IGSF10: variants seen among roughly 807,000 people sequenced by gnomAD.
IGSF10 encodes immunoglobulin superfamily member 10.
Under a neutral mutation model 128.2 loss-of-function variants are expected in IGSF10, and 126 were observed. That is an observed-to-expected ratio of 0.98 (90% CI 0.85 to 1.14). The LOEUF (loss-of-function observed/expected upper bound fraction) is 1.14, where lower values mean the gene tolerates loss of function less well. Ranked by LOEUF, IGSF10 falls within the 50% of genes most tolerant of loss-of-function variation. IGSF10 has a pLI of 0.00. For synonymous variants in IGSF10, 1,185 were observed against 1,146.2 expected, an observed-to-expected ratio of 1.03 and a Z score of -0.68; for missense variants, 3,295 against 3,149.8, an observed-to-expected ratio of 1.05 and a Z score of -1.10.
the IGSF10 span, among the ~76,000 whole-genome samples, chr3:151,557,171 C>T: frequency 6.6e-6 from 1 of 152,132 alleles, no homozygotes; most frequent in Non-Finnish European, 1.5e-5. Context: ...ATTATGTGCA[C>T]TTGTGCATGG....
chr3:151,436,784 G>T lies in IGSF10; in HGVS notation c.7777C>A (p.Gln2593Lys). 1 of 1,614,158 alleles carries T rather than the reference G, an allele frequency of 6.2e-7. No homozygotes were observed. The highest frequency in any genetic ancestry group is 1.1e-5 in the South Asian group (1 of 91,086). Residue 2593 changes from glutamine to lysine, a missense_variant, in exon 8 of 8, where the codon CAG (glutamine) becomes AAG (lysine). Physicochemically the swap from Gln to Lys is moderately conservative, Grantham distance 53 (BLOSUM62 1). Coordinates refer to ENST00000282466, the MANE Select transcript of IGSF10 (RefSeq NM_178822.5). ...CCAGAATCGGAGGTTTGGGGATTCT[G>T]AATGACTAGGGTACCTTGTAAGTGA... ...QLHLQGTLVI[Q>K]NPQTSDSGIY... is the part of the protein sequence containing the mutation.
the IGSF10 span, among the ~76,000 whole-genome samples, chr3:151,504,677 A>G: frequency 7.9e-5 from 12 of 152,232 alleles, no homozygotes; most frequent in African/African-American, 2.7e-4. Flanking sequence ...AGTTCAGCCT[A>G]AAGGTTTCTC....
chr3:151,594,007 G>C, the IGSF10 span, among the ~76,000 whole-genome samples: 4 of 152,298 alleles, frequency 2.6e-5, no homozygotes, highest in African/African-American at 9.6e-5. Flanking sequence ...GATCAGAAGA[G>C]ACTGTTTGAC....
At chr3:151,454,324 G>A (rs1375253244) in intron 4 of IGSF10, among the ~76,000 whole-genome samples, 1 of 152,076 alleles carries the variant, frequency 6.6e-6, no homozygotes, top group Non-Finnish European at 1.5e-5. Flanking sequence ...AGCCAGGAAT[G>A]ACTGTTAAAA....
chr3:151,558,208 G>A, the IGSF10 span, among the ~76,000 whole-genome samples: 2 of 149,962 alleles, frequency 1.3e-5, no homozygotes, highest in African/African-American at 2.5e-5. Flanking sequence ...CATGAGATAT[G>A]AGAAAGGCCT....
chr3:151,594,009 CTGTT>C, the IGSF10 span, among the ~76,000 whole-genome samples: 40 of 152,276 alleles, frequency 2.6e-4, no homozygotes, highest in African/African-American at 8.7e-4. Flanking sequence ...TCAGAAGAGA[CTGTT>C]TGACCACAGG....
chr3:151,617,305 TTCTTCTTCTTCTTCC>T, the IGSF10 span, among the ~76,000 whole-genome samples: 294 of 132,464 alleles, frequency 2.2e-3, 4 homozygotes, highest in African/African-American at 7.7e-3. Context: ...CTTCTTCTTC[TTCTTCTTCTTCTTCC>T]CCTCCTCCTC....
chr3:151,581,640 T>G, the IGSF10 span, among the ~76,000 whole-genome samples: 1 of 152,242 alleles, frequency 6.6e-6, no homozygotes, highest in African/African-American at 2.4e-5. Flanking sequence ...CCTGTACTTG[T>G]TGAAGACCAG....
At chr3:151,435,780 CAT>C (rs1491263593), downstream of IGSF10, 1 of 152,072 alleles carries the variant, frequency 6.6e-6, no homozygotes, top group Non-Finnish European at 1.5e-5. Context: ...TACAAAAACA[CAT>C]TTTGTGTAGG....
At chr3:151,528,030 T>G in the IGSF10 span, among the ~76,000 whole-genome samples, 4 of 152,212 alleles carry the variant, frequency 2.6e-5, no homozygotes, top group Admixed American at 2.6e-4. Context: ...AAATATTTTA[T>G]GTTTTTAGCC....
the IGSF10 span, among the ~76,000 whole-genome samples, chr3:151,558,410 C>T: frequency 2.4e-4 from 36 of 152,178 alleles, no homozygotes; most frequent in Non-Finnish European, 4.4e-4. Context: ...TGAAAGACCA[C>T]AAATGTAGGT....
At chr3:151,527,250 T>TAC in the IGSF10 span, among the ~76,000 whole-genome samples, 2 of 152,180 alleles carry the variant, frequency 1.3e-5, no homozygotes, top group Non-Finnish European at 2.9e-5. Flanking sequence ...AATAGGCCCA[T>TAC]ACCACACCAG....
At chr3:151,556,532 C>T in the IGSF10 span, among the ~76,000 whole-genome samples, 1 of 151,656 alleles carries the variant, frequency 6.6e-6, no homozygotes, top group Non-Finnish European at 1.5e-5. Flanking sequence ...CTTTAGTAAA[C>T]AGTAGCCAAA....
the IGSF10 span, among the ~76,000 whole-genome samples, chr3:151,529,825 G>A: frequency 0.013 from 1,958 of 151,920 alleles, 47 homozygotes; most frequent in African/African-American, 0.045. Context: ...ACAACTTTTC[G>A]CCAGCAAAGG....
chr3:151,483,879 T>C, the IGSF10 span, among the ~76,000 whole-genome samples: 3 of 152,296 alleles, frequency 2.0e-5, no homozygotes, highest in East Asian at 5.8e-4. Context: ...AGCAGCTGTT[T>C]GGGCAGACAC....
At position 151,437,636 on chromosome 3, in the gene IGSF10, C is replaced by A. The variant is rs1720469656; in HGVS notation, c.6925G>T (p.Ala2309Ser). The change falls in exon 8 of 8, where the codon GCC (alanine) becomes TCC (serine). Residue 2309 changes from alanine to serine, a missense_variant. Physicochemically the swap from Ala to Ser is moderately conservative, Grantham distance 99. Coordinates refer to ENST00000282466, the MANE Select transcript of IGSF10 (RefSeq NM_178822.5). ...EIRNVRLSDS[A>S]DFICVARNEG... Reference sequence around the variant, plus strand: ...TTTCGGGCCACACAGATAAAGTCGGCTGAATCTGAAAGCCTCACATTCCTA... The same window carrying A: ...TTTCGGGCCACACAGATAAAGTCGGATGAATCTGAAAGCCTCACATTCCTA... The A allele has an allele frequency of 6.2e-7, 1 of 1,614,116 alleles. No homozygotes were observed. The highest frequency in any genetic ancestry group is 8.5e-7 in the Non-Finnish European group (1 of 1,180,056).
At chr3:151,554,348 C>G in the IGSF10 span, among the ~76,000 whole-genome samples, 1 of 151,916 alleles carries the variant, frequency 6.6e-6, no homozygotes, top group African/African-American at 2.4e-5. Context: ...GTCAATAGCC[C>G]ATCTTAGATC....
the IGSF10 span, among the ~76,000 whole-genome samples, chr3:151,524,635 A>T: frequency 1.1e-4 from 17 of 152,246 alleles, no homozygotes; most frequent in Admixed American, 8.5e-4. Context: ...TTGAGTGTGG[A>T]GGGTGGAAGG....
chr3:151,476,733 G>A, the IGSF10 span, among the ~76,000 whole-genome samples: 1 of 152,166 alleles, frequency 6.6e-6, no homozygotes. Context: ...TTGAGACAAA[G>A]CATCAGAGGT....
Sources: allele counts gnomAD v4.1 joint callset (sites outside exome capture counted in the v4.1 genomes callset), GRCh38; gene constraint gnomAD v4.1.1; transcripts MANE v1.5; gene names NCBI Gene and HGNC (gene_info 2026-07-23, HGNC 2026-07-21).